The following SUCNR1 variants were observed in gnomAD, a reference collection of about 807,000 sequenced individuals.
The protein encoded by SUCNR1 is succinate receptor 1, also known as G-protein coupled receptor 91.
A neutral mutation model predicts 2.4 loss-of-function variants in SUCNR1; 5 were observed. The ratio of observed to expected loss-of-function variants is 2.07; its 90% CI spans 1.08 to 4.36. The LOEUF is 4.36. SUCNR1 is among the 30% of genes most tolerant of loss of function. The pLI is 0.00. For missense variants in SUCNR1, 373 were observed against 399.2 expected (o/e 0.93, Z 0.56); for synonymous variants, 162 against 143.9 (o/e 1.13, Z -0.90).
intron 2 of SUCNR1, among the ~76,000 whole-genome samples, chr3:151,880,254 G>A (rs1334377973): frequency 6.6e-6 from 1 of 151,986 alleles, no homozygotes; most frequent in African/African-American, 2.4e-5. Context: ...ATCATTCATT[G>A]TTTACTTCCT....
intron 1 of SUCNR1, among the ~76,000 whole-genome samples, chr3:151,874,144 A>ATTTTTTT (rs1250858360): frequency 1.6e-5 from 1 of 62,884 alleles, no homozygotes; most frequent in Non-Finnish European, 3.1e-5. Flanking sequence ...ATATATATAT[A>ATTTTTTT]TATTTTTTTT....
rs377188712 is a variant in SUCNR1 at position 151,883,105 on chromosome 3, C to T, written c.*1557C>T. 6.6e-6 allele frequency: 1 copy of T among 152,100 alleles called. No homozygotes were observed. Among genetic ancestry groups the T allele is most frequent in the Admixed American group, 6.5e-5 (1 of 15,282 alleles). 9.4% of individuals were successfully genotyped at this position (152,100 alleles called of 1,614,324 possible). A position where few individuals can be genotyped will look rare whatever the true frequency, so the allele number is the denominator to read the frequency against. ...AAATATTATAAAAATGCATTAGTCA[C>T]AAAAGATTTATTTTCTTACATCACA... On this transcript the variant is annotated 3_prime_UTR_variant, in exon 3 of 3. Coordinates refer to ENST00000362032, the MANE Select transcript of SUCNR1 (RefSeq NM_033050.6).
chr3:151,876,544 T>C (rs925830263), intron 1 of SUCNR1, among the ~76,000 whole-genome samples: 2 of 152,098 alleles, frequency 1.3e-5, no homozygotes, highest in Non-Finnish European at 1.5e-5. Context: ...TCATTAGAGA[T>C]AAAGCTATTA....
rs200218473 is a variant in SUCNR1 at position 151,881,293 on chromosome 3, C to A, written c.750C>A (p.Val250=). 6.2e-7 allele frequency: 1 copy of A among 1,614,216 alleles called. No individual in the cohort carries two copies. Among genetic ancestry groups the A allele is most frequent in the Admixed American group, 1.7e-5 (1 of 60,022 alleles). The change falls in exon 3 of 3, where the codon GTC becomes GTA. Residue 250 remains valine (V), a synonymous_variant. Transcript: ENST00000362032. ...IFSVLFTPYH[V]MRNVRIASRL... Reference sequence around the variant, plus strand: ...CTGTGCTTTTTACACCCTATCACGTCATGCGGAATGTGAGGATCGCTTCAC... The same window carrying A: ...CTGTGCTTTTTACACCCTATCACGTAATGCGGAATGTGAGGATCGCTTCAC...
At chr3:151,875,255 T>G (rs1487923297) in intron 1 of SUCNR1, among the ~76,000 whole-genome samples, 1 of 152,092 alleles carries the variant, frequency 6.6e-6, no homozygotes, top group Admixed American at 6.6e-5. Flanking sequence ...ATATAGCCAC[T>G]AGATAGCAGA....
chr3:151,884,496 G>C lies in SUCNR1; in HGVS notation c.*2948G>C, dbSNP rs1214943002. 1 of 152,144 alleles carries C rather than the reference G, an allele frequency of 6.6e-6. No homozygotes were observed. Among genetic ancestry groups the C allele is most frequent in the Non-Finnish European group, 1.5e-5 (1 of 68,020 alleles). The allele number at this position is 152,144 out of a possible 1,614,324, so 9.4% of individuals were successfully genotyped here. A position where few individuals can be genotyped will look rare whatever the true frequency, so the allele number is the denominator to read the frequency against. On this transcript the variant is annotated 3_prime_UTR_variant, in exon 3 of 3. Transcript: ENST00000362032. The stretch of plus-strand genomic sequence containing the variant: ...CCTAGTAAATTAGAATTTTATTCTA[G>C]ATGATGAATAATGTGTGGCAGAGAT...
chr3:151,880,360 A>G (rs1014990006), intron 2 of SUCNR1, among the ~76,000 whole-genome samples, 199 bp from the exon 3 acceptor site: 6 of 152,240 alleles, frequency 3.9e-5, no homozygotes, highest in African/African-American at 1.4e-4. Flanking sequence ...TATTCAGCAC[A>G]TAGTTGAAAG....
chr3:151,880,852 T>G lies in SUCNR1; in HGVS notation c.309T>G (p.His103Gln), dbSNP rs750673873. ...GCATAAGCAACCGATATGTGCTTCA[T>G]GCCAACCTCTATACCAGCATTCTCT... Reference protein sequence around the residue: ...VLCISNRYVLHANLYTSILFL... With the variant: ...VLCISNRYVLQANLYTSILFL... The change falls in exon 3 of 3, where the codon CAT becomes CAG. Residue 103 changes from histidine (H) to glutamine (Q), a missense_variant. His to Gln is a conservative substitution (Grantham distance 24). This residue lies in a region of SUCNR1 where 184 missense variants were observed against 162.2 expected (regional missense o/e 1.13). Coordinates refer to ENST00000362032, the MANE Select transcript of SUCNR1 (RefSeq NM_033050.6). The G allele has an allele frequency of 1.2e-6, 2 of 1,614,166 alleles. No homozygotes were observed. Among genetic ancestry groups the G allele is most frequent in the Non-Finnish European group, 1.7e-6 (2 of 1,180,012 alleles).
At position 151,882,701 on chromosome 3, in the gene SUCNR1, C is replaced by T. The variant is rs1166770739; in HGVS notation, c.*1153C>T. 6.6e-6 allele frequency: 1 copy of T among 152,112 alleles called. No individual in the cohort carries two copies. Among genetic ancestry groups the T allele is most frequent in the Non-Finnish European group, 1.5e-5 (1 of 67,976 alleles). 9.4% of individuals were successfully genotyped at this position (152,112 alleles called of 1,614,324 possible). A position where few individuals can be genotyped will look rare whatever the true frequency, so the allele number is the denominator to read the frequency against. ...TAAATGTTTCAAACAAAATGTACTT[C>T]ATGAAATTATAGAACATAAAAATAT... On this transcript the variant is annotated 3_prime_UTR_variant, in exon 3 of 3. Transcript: ENST00000362032.
At chr3:151,874,152 T>A (rs1392907280) in intron 1 of SUCNR1, among the ~76,000 whole-genome samples, 92 of 59,708 alleles carry the variant, frequency 1.5e-3, no homozygotes, top group Middle Eastern at 7.1e-3. Flanking sequence ...ATATATTTTT[T>A]TTTTTTTTTT....
rs1576666739 is a variant in SUCNR1 at position 151,883,728 on chromosome 3, T to C, written c.*2180T>C. ...TTTGTGGTTTCTAAAGGAAATAATA[T>C]TGAGCTTTTGTATTTTGTCTTTTAA... On this transcript the variant is annotated 3_prime_UTR_variant, in exon 3 of 3. Transcript: ENST00000362032. 6.6e-6 allele frequency: 1 copy of C among 151,834 alleles called. No individual in the cohort carries two copies. The highest frequency in any genetic ancestry group is 6.6e-5 in the Admixed American group (1 of 15,236). The allele number at this position is 151,834 out of a possible 1,614,324, so 9.4% of individuals were successfully genotyped here.
rs143625759 is a variant in SUCNR1, at chr3:151,881,158, C to T, written c.615C>T (p.Phe205=). The part of the protein sequence containing the change: ...GFLIPLFVMC[F]FYYKIALFLK... ...TTATTCCTCTTTTTGTGATGTGTTTCTTTTATTACAAGATTGCTCTCTTCC... is the reference window on the plus strand; with the variant it reads ...TTATTCCTCTTTTTGTGATGTGTTTTTTTTATTACAAGATTGCTCTCTTCC... The change falls in exon 3 of 3, where the codon TTC becomes TTT. Residue 205 remains phenylalanine, a synonymous_variant. Coordinates refer to ENST00000362032, the MANE Select transcript of SUCNR1 (RefSeq NM_033050.6). 671 of 1,614,078 alleles carry T rather than the reference C, an allele frequency of 4.2e-4. 3 individuals carry two copies. In the African/African-American group the frequency reaches 8.0e-3, roughly 19 times the overall value.
chr3:151,874,584 A>C (rs1220441894), intron 1 of SUCNR1, among the ~76,000 whole-genome samples: 1 of 152,128 alleles, frequency 6.6e-6, no homozygotes. Flanking sequence ...CCAATAATTA[A>C]TTTACTTAGG....
intron 1 of SUCNR1, among the ~76,000 whole-genome samples, chr3:151,876,397 C>A (rs1717925126): frequency 6.6e-6 from 1 of 151,880 alleles, no homozygotes; most frequent in African/African-American, 2.4e-5. Flanking sequence ...TATGTTAAAG[C>A]CTATTGACAT....
At chr3:151,877,542 G>C (rs912748320) in intron 1 of SUCNR1, among the ~76,000 whole-genome samples, 1 of 152,160 alleles carries the variant, frequency 6.6e-6, no homozygotes, top group Non-Finnish European at 1.5e-5. Context: ...GAAATACCCA[G>C]ACATTACAGT....
At chr3:151,877,542 G>A (rs912748320) in intron 1 of SUCNR1, among the ~76,000 whole-genome samples, 1 of 152,160 alleles carries the variant, frequency 6.6e-6, no homozygotes, top group African/African-American at 2.4e-5. Context: ...GAAATACCCA[G>A]ACATTACAGT....
Position 151,883,896 on chromosome 3 carries a change from T to G in SUCNR1, c.*2348T>G, listed in dbSNP as rs1360950401. ...TACTTTAGTTTATTACATTCAGAAC[T>G]TTCTTCACTTTGTTCACCTGTTGCC... On this transcript the variant is annotated 3_prime_UTR_variant, in exon 3 of 3. Coordinates refer to ENST00000362032, the MANE Select transcript of SUCNR1 (RefSeq NM_033050.6). 6.6e-6 allele frequency: 1 copy of G among 152,146 alleles called. No homozygotes were observed. The highest frequency in any genetic ancestry group is 1.5e-5 in the Non-Finnish European group (1 of 68,008). 9.4% of individuals were successfully genotyped at this position (152,146 alleles called of 1,614,324 possible).
At chr3:151,874,147 T>TATA (rs1491511074) in intron 1 of SUCNR1, among the ~76,000 whole-genome samples, 581 of 15,446 alleles carry the variant, frequency 0.038, 3 homozygotes, top group African/African-American at 0.085. Context: ...TATATATATA[T>TATA]TTTTTTTTTT....
At chr3:151,877,923 GCTTGA>G (rs1717971386) in intron 1 of SUCNR1, among the ~76,000 whole-genome samples, 1 of 152,112 alleles carries the variant, frequency 6.6e-6, no homozygotes, top group African/African-American at 2.4e-5. Context: ...AACATTTATT[GCTTGA>G]GCCAAGAAGA....
Sources: gnomAD v4.1 joint callset for allele counts (sites outside exome capture counted in the v4.1 genomes callset) on GRCh38, gnomAD v4.1.1 for gene constraint, gnomAD v4.1.1 regional missense constraint, MANE v1.5 for transcripts, NCBI Gene and HGNC (gene_info 2026-07-23, HGNC 2026-07-21) for gene names.